POM121: variants seen among roughly 807,000 people sequenced by gnomAD.
The protein encoded by POM121 is nuclear envelope pore membrane protein POM 121.
POM121 carries 32 observed loss-of-function variants against 81.3 expected under a neutral mutation model. The observed-to-expected ratio is 0.39, with a 90% CI of 0.30 to 0.53. The LOEUF is 0.53. POM121 is among the 20% of genes least tolerant of loss of function. The pLI is 0.66. For synonymous variants in POM121, 514 were observed against 694.2 expected, an observed-to-expected ratio of 0.74 and a Z score of 4.08; for missense variants, 1,138 against 1,614.6, an observed-to-expected ratio of 0.70 and a Z score of 5.06.
intron 1 of POM121, among the ~76,000 whole-genome samples, chr7:72,881,814 A>G (rs1348583429): frequency 3.3e-5 from 5 of 151,930 alleles, no homozygotes; most frequent in African/African-American, 1.2e-4. Context: ...TATTTTTAGA[A>G]GAGATGGGGT....
rs1435842881 is a variant in POM121 at position 72,902,119 on chromosome 7, A to G, written c.-216+11009A>G. Among the ~76,000 whole-genome samples the G allele has an allele frequency of 7.9e-5, 12 of 151,946 alleles. No individual in the cohort carries two copies. In the South Asian group the frequency reaches 2.5e-3, roughly 32 times the overall value. On this transcript the variant is annotated intron_variant, in intron 3 of 15. Coordinates refer to the POM121 transcript ENST00000395270. ...AAGAGTGAAACTCATGAAAAAAAAA[A>G]CAAAAAACAAAAAACTGTGGACAGG...
At chr7:72,887,540 C>T (rs1790845314) in intron 1 of POM121, among the ~76,000 whole-genome samples, 1 of 152,166 alleles carries the variant, frequency 6.6e-6, no homozygotes, top group South Asian at 2.1e-4. Flanking sequence ...ACCACTGCTT[C>T]AGCCCAGGCA....
intron 5 of POM121, among the ~76,000 whole-genome samples, chr7:72,930,723 A>G (rs1218068508): frequency 6.6e-6 from 1 of 152,146 alleles, no homozygotes; most frequent in African/African-American, 2.4e-5. Flanking sequence ...GCTGGGCGGG[A>G]TGGCTCATGC....
chr7:72,914,738 C>T (rs1404788396), intron 4 of POM121, among the ~76,000 whole-genome samples: 1 of 152,104 alleles, frequency 6.6e-6, no homozygotes, highest in Non-Finnish European at 1.5e-5. Flanking sequence ...GGTAGGTGCA[C>T]TGTCAATAGT....
In POM121 at chr7:72,943,128, G is replaced by C. The variant is rs147260920; in HGVS notation, c.3135G>C (p.Ser1045=). 4,319 of 1,609,240 alleles carry C rather than the reference G, an allele frequency of 2.7e-3. 9 individuals are homozygous for C. The highest frequency in any genetic ancestry group is 5.1e-3 in the African/African-American group (366 of 71,916). The change falls in exon 11 of 13, where the codon TCG becomes TCC. Residue 1045 remains serine, a synonymous_variant. Coordinates refer to ENST00000434423, the MANE Select transcript of POM121 (RefSeq NM_001387691.1). Reference sequence around the variant, plus strand: ...CGTTTGGGTTGAAAGCCACGGCTTCGGCCTTCGGCGCTCCCGCCAGCTCAC... The same window carrying C: ...CGTTTGGGTTGAAAGCCACGGCTTCCGCCTTCGGCGCTCCCGCCAGCTCAC... ...HSAFGLKATA[S]AFGAPASSQP... is the part of the protein sequence containing the mutation.
In POM121 at chr7:72,926,980, A is replaced by G. The variant is rs1554497666; in HGVS notation, c.1022+17A>G. The stretch of plus-strand genomic sequence containing the variant: ...TAAAAGAAGGTAACAGGCTCAGGAG[A>G]GTACTAAGCCGGTTTCGCGCTTGGA... On this transcript the variant is annotated intron_variant, in intron 3 of 12. Coordinates refer to ENST00000434423, the MANE Select transcript of POM121 (RefSeq NM_001387691.1). 1.9e-6 allele frequency: 3 copies of G among 1,613,978 alleles called. No homozygotes were observed. The highest frequency in any genetic ancestry group is 1.1e-5 in the South Asian group (1 of 91,082).
At chr7:72,899,822 A>G (rs1428818313) in intron 3 of POM121, among the ~76,000 whole-genome samples, 7 of 151,324 alleles carry the variant, frequency 4.6e-5, no homozygotes, top group African/African-American at 1.2e-4. Context: ...CTCGTGATCC[A>G]CCCACCTCGG....
In POM121 at chr7:72,925,161, C is replaced by T. The variant is rs1554496819; in HGVS notation, c.40C>T (p.Arg14Trp). 5 of 1,483,400 alleles carry T rather than the reference C, an allele frequency of 3.4e-6. No individual in the cohort carries two copies. The African/African-American group carries it at 4.4e-5, about 13-fold the overall frequency. The allele number at this position is 1,483,400 out of a possible 1,614,324, so 91.9% of individuals were successfully genotyped here. ...AAAAAGAGER[R>W]RPIASVRDGR... The stretch of plus-strand genomic sequence containing the variant: ...TGCGGCGGCTGGAGCAGGCGAGCGG[C>T]GGCGGCCCATAGCGAGTGTCAGGGA... The change falls in exon 1 of 13, where the codon CGG (arginine) becomes TGG (tryptophan). Residue 14 changes from arginine (R) to tryptophan (W), a missense_variant. Physicochemically the swap from Arg to Trp is moderately radical, Grantham distance 101 (BLOSUM62 -3). This residue lies in a region of POM121 where 646 missense variants were observed against 633.5 expected (regional missense o/e 1.02). Transcript: ENST00000434423.
intron 3 of POM121, chr7:72,891,122 G>C (rs1408883175): frequency 1.0e-6 from 1 of 976,812 alleles, no homozygotes; most frequent in African/African-American, 1.6e-5. Context: ...TAAGTTAGTA[G>C]AGTATCAAAT....
chr7:72,910,137 G>A (rs1554494035), intron 3 of POM121, among the ~76,000 whole-genome samples: 5 of 152,112 alleles, frequency 3.3e-5, no homozygotes, highest in Non-Finnish European at 7.3e-5. Flanking sequence ...ATTTAATTTT[G>A]CATAAACACA....
chr7:72,915,821 C>G (rs1156947151), intron 4 of POM121, among the ~76,000 whole-genome samples: 61 of 152,134 alleles, frequency 4.0e-4, no homozygotes, highest in African/African-American at 1.4e-3. Context: ...TATAGGCGCC[C>G]ACCACCATGC....
intron 1 of POM121, among the ~76,000 whole-genome samples, chr7:72,881,923 G>T (rs188832094): frequency 0.014 from 2,187 of 152,300 alleles, 40 homozygotes; most frequent in African/African-American, 0.049. Context: ...GAGCCACCGA[G>T]CCCAGCCAGG....
In POM121 at chr7:72,925,588, A is replaced by G. The variant is rs1554497097; in HGVS notation, c.467A>G (p.Gln156Arg). ...CAGCCCGCCGCCGCTCCGGAGGGCCAGGACCTGCGGGATAGGCCTGGCCGC... is the reference window on the plus strand; with the variant it reads ...CAGCCCGCCGCCGCTCCGGAGGGCCGGGACCTGCGGGATAGGCCTGGCCGC... ...PPQPAAAPEG[Q>R]DLRDRPGRRP... Residue 156 changes from glutamine (Q) to arginine (R), a missense_variant, in exon 1 of 13, where the codon CAG becomes CGG. Physicochemically the swap from Gln to Arg is conservative, Grantham distance 43. Around this residue, in one of 7 missense-constraint regions of POM121, gnomAD observed 646 missense variants for 633.5 expected, o/e 1.02. Coordinates refer to ENST00000434423, the MANE Select transcript of POM121 (RefSeq NM_001387691.1). The G allele has an allele frequency of 1.6e-5, 24 of 1,529,476 alleles. No homozygotes were observed. The highest frequency in any genetic ancestry group is 1.9e-5 in the Non-Finnish European group (22 of 1,144,898). 94.7% of individuals were successfully genotyped at this position (1,529,476 alleles called of 1,614,324 possible).
chr7:72,917,019 A>G (rs1205098129), intron 4 of POM121, among the ~76,000 whole-genome samples: 1 of 152,202 alleles, frequency 6.6e-6, no homozygotes, highest in Non-Finnish European at 1.5e-5. Context: ...TCATTGAAAC[A>G]TGGACATTTG....
At chr7:72,944,565 G>A (rs1263115506) in intron 11 of POM121, among the ~76,000 whole-genome samples, 8 of 152,160 alleles carry the variant, frequency 5.3e-5, no homozygotes, top group Non-Finnish European at 7.3e-5. Context: ...GTTTCCCAGC[G>A]ACACTGTGGG....
At chr7:72,939,670 G>A (rs573583092) in intron 7 of POM121, among the ~76,000 whole-genome samples, 177 bp from the exon 8 acceptor site, 1 of 152,328 alleles carries the variant, frequency 6.6e-6, no homozygotes, top group South Asian at 2.1e-4. Flanking sequence ...TGCACAGTAA[G>A]CGGTTTGTGT....
downstream of POM121, chr7:72,949,201 T>C: frequency 9.5e-7 from 1 of 1,053,306 alleles, no homozygotes; most frequent in Non-Finnish European, 1.5e-6. Context: ...GAACTTTTGC[T>C]CCAGGGTCCC....
chr7:72,945,793 C>T (rs568430915), intron 12 of POM121, 85 bp downstream of exon 12: 70 of 1,517,692 alleles, frequency 4.6e-5, no homozygotes, highest in African/African-American at 1.5e-4. Flanking sequence ...CTCTGAGGCC[C>T]GGTGAAGATC....
chr7:72,938,825 A>T, intron 6 of POM121, 144 bp downstream of exon 6: 1 of 967,426 alleles, frequency 1.0e-6, no homozygotes, highest in Non-Finnish European at 1.6e-6. Flanking sequence ...GGTACAATGC[A>T]GTACCCACCC....
Sources: allele counts gnomAD v4.1 joint callset (sites outside exome capture counted in the v4.1 genomes callset), GRCh38; gene constraint gnomAD v4.1.1; regional missense constraint gnomAD v4.1.1; transcripts MANE v1.5; gene names NCBI Gene and HGNC (gene_info 2026-07-23, HGNC 2026-07-21).